Variants in DNAJC6 observed in about 807,000 individuals in gnomAD.
DNAJC6 encodes the protein auxilin.
A neutral mutation model predicts 110.0 loss-of-function variants in DNAJC6; 34 were observed. That is an observed-to-expected ratio of 0.31 (90% CI 0.24 to 0.41). The LOEUF (loss-of-function observed/expected upper bound fraction) is 0.41. Among genes scored for constraint, DNAJC6 ranks in the 10% least tolerant of loss-of-function variants. DNAJC6 has a pLI of 1.00. For missense variants in DNAJC6, 1,031 were observed against 1,207.8 expected (o/e 0.85, Z 2.17); for synonymous variants, 406 against 437.2 (o/e 0.93, Z 0.89).
chr1:65,364,583 G>T, intron 1 of DNAJC6, 52 bp from the exon 2 acceptor site: 1 of 1,565,184 alleles, frequency 6.4e-7, no homozygotes, highest in Non-Finnish European at 8.6e-7. Context: ...GTTTTCCGTG[G>T]ATTCTCTGCC....
At chr1:65,375,010 C>T (rs1645746878) in intron 4 of DNAJC6, among the ~76,000 whole-genome samples, 1 of 149,246 alleles carries the variant, frequency 6.7e-6, no homozygotes, top group Admixed American at 6.7e-5. Context: ...TTGCTGTCAC[C>T]CAGGCTGGAG....
At chr1:65,316,367 A>C (rs1053023167) in intron 1 of DNAJC6, among the ~76,000 whole-genome samples, 9 of 152,238 alleles carry the variant, frequency 5.9e-5, no homozygotes, top group African/African-American at 2.2e-4. Context: ...GGTTTAGCTC[A>C]GATATTCCTT....
intron 18 of DNAJC6, 122 bp from the exon 19 acceptor site, chr1:65,412,802 G>A: frequency 1.2e-6 from 1 of 850,928 alleles, no homozygotes; most frequent in Non-Finnish European, 1.9e-6. Flanking sequence ...GGCTGAAAAG[G>A]AGAAATGGCC....
intron 1 of DNAJC6, among the ~76,000 whole-genome samples, chr1:65,319,339 G>C (rs1017739473): frequency 6.6e-6 from 1 of 152,140 alleles, no homozygotes; most frequent in African/African-American, 2.4e-5. Flanking sequence ...GCCCAGGGGA[G>C]TGCTGTGGAG....
intron 1 of DNAJC6, among the ~76,000 whole-genome samples, chr1:65,318,540 ATGACCTT>A (rs1392850851): frequency 6.6e-6 from 1 of 152,252 alleles, no homozygotes; most frequent in Non-Finnish European, 1.5e-5. Flanking sequence ...GAATGAGATC[ATGACCTT>A]TGCAGGGACA....
At chr1:65,281,341 GTA>G (rs1264887375) in intron 1 of DNAJC6, among the ~76,000 whole-genome samples, 1 of 152,106 alleles carries the variant, frequency 6.6e-6, no homozygotes, top group Non-Finnish European at 1.5e-5. Context: ...GTGGTTTTTA[GTA>G]TATTCATAAG....
In DNAJC6 at chr1:65,405,952, G is replaced by T; in HGVS notation, c.2310G>T (p.Ala770=). 6.2e-7 allele frequency: 1 copy of T among 1,614,174 alleles called. No homozygotes were observed. Among genetic ancestry groups the T allele is most frequent in the Non-Finnish European group, 8.5e-7 (1 of 1,180,040 alleles). The change falls in exon 16 of 19, where the codon GCG becomes GCT. Residue 770 remains alanine (A), a synonymous_variant. Transcript: ENST00000371069. The part of the protein sequence containing the change: ...GFPPLSSPQK[A]SPQPMGGGWQ... ...CGCCTCTCAGCTCGCCACAGAAGGC[G>T]TCTCCCCAGCCTATGGGTGGCGGGT... is the stretch of plus-strand genomic sequence containing the variant.
At chr1:65,412,435 T>G (rs1386388411) in intron 18 of DNAJC6, among the ~76,000 whole-genome samples, 1 of 152,200 alleles carries the variant, frequency 6.6e-6, no homozygotes, top group Non-Finnish European at 1.5e-5. Context: ...TCCACATTTT[T>G]TTGTACTAGT....
At chr1:65,316,055 A>G (rs11208628) in intron 1 of DNAJC6, among the ~76,000 whole-genome samples, 8,811 of 152,334 alleles carry the variant, frequency 0.058, 307 homozygotes, top group Non-Finnish European at 0.079. Flanking sequence ...TACGGCACTG[A>G]GAGAACAATA....
At chr1:65,391,509 G>C (rs1010525118) in intron 11 of DNAJC6, among the ~76,000 whole-genome samples, 13 of 152,114 alleles carry the variant, frequency 8.5e-5, no homozygotes, top group African/African-American at 3.1e-4. Context: ...TCACAGCAGA[G>C]CTCTTCTTTT....
chr1:65,408,796 C>A lies in DNAJC6; in HGVS notation c.2634+13C>A. 6.2e-7 allele frequency: 1 copy of A among 1,610,642 alleles called. No homozygotes were observed. The highest frequency in any genetic ancestry group is 8.5e-7 in the Non-Finnish European group (1 of 1,179,064). The stretch of plus-strand genomic sequence containing the variant: ...TGAGAAATTAAAGGTGAGTGAGGCC[C>A]CTGACGCAGCTTGATTATCCTATAT... On this transcript the variant is annotated intron_variant, in intron 17 of 18. Coordinates refer to ENST00000371069, the MANE Select transcript of DNAJC6 (RefSeq NM_001256864.2).
intron 16 of DNAJC6, among the ~76,000 whole-genome samples, chr1:65,407,285 T>G (rs78965864): frequency 0.018 from 2,698 of 152,292 alleles, 48 homozygotes; most frequent in South Asian, 0.086. Context: ...ATATAGGGTC[T>G]GGTACTATCT....
intron 1 of DNAJC6, among the ~76,000 whole-genome samples, chr1:65,321,141 A>G: frequency 6.6e-6 from 1 of 152,206 alleles, no homozygotes; most frequent in East Asian, 1.9e-4. Flanking sequence ...CAGGATTTCT[A>G]CATCATAGAC....
At chr1:65,411,171 G>T in intron 17 of DNAJC6, 79 bp from the exon 18 acceptor site, 1 of 1,431,362 alleles carries the variant, frequency 7.0e-7, no homozygotes, top group Non-Finnish European at 9.5e-7. Context: ...GGAGCAGAAG[G>T]GGTTTCTAGA....
At chr1:65,347,653 G>A (rs1645449867) in intron 1 of DNAJC6, among the ~76,000 whole-genome samples, 1 of 151,846 alleles carries the variant, frequency 6.6e-6, no homozygotes, top group Admixed American at 6.6e-5. Context: ...TTAGAAACTG[G>A]AATTCATGTC....
At chr1:65,375,814 A>G (rs1395480734) in intron 4 of DNAJC6, among the ~76,000 whole-genome samples, 1 of 152,116 alleles carries the variant, frequency 6.6e-6, no homozygotes. Context: ...GGATTTTTGT[A>G]TCTGTGTTCT....
chr1:65,349,075 TA>T (rs1045331136), intron 1 of DNAJC6, among the ~76,000 whole-genome samples: 17 of 120,684 alleles, frequency 1.4e-4, no homozygotes, highest in African/African-American at 3.1e-4. Flanking sequence ...AATACATATA[TA>T]AAAATATATA....
At chr1:65,322,271 A>G (rs1645204052) in intron 1 of DNAJC6, among the ~76,000 whole-genome samples, 1 of 152,236 alleles carries the variant, frequency 6.6e-6, no homozygotes, top group Admixed American at 6.5e-5. Flanking sequence ...AATGAAAAGA[A>G]TATTTAAAAC....
At chr1:65,324,522 C>A (rs1298780566) in intron 1 of DNAJC6, among the ~76,000 whole-genome samples, 1 of 152,058 alleles carries the variant, frequency 6.6e-6, no homozygotes, top group African/African-American at 2.4e-5. Flanking sequence ...CCATGGTTGG[C>A]TAATTTTTGT....
Sources: allele counts gnomAD v4.1 joint callset (sites outside exome capture counted in the v4.1 genomes callset), GRCh38; gene constraint gnomAD v4.1.1; transcripts MANE v1.5; gene names NCBI Gene and HGNC (gene_info 2026-07-23, HGNC 2026-07-21).